Variants in DPP10 observed in about 807,000 individuals in gnomAD.
DPP10 encodes inactive dipeptidyl peptidase 10.
A neutral mutation model predicts 120.9 loss-of-function variants in DPP10; 33 were observed. The ratio of observed to expected loss-of-function variants is 0.27; its 90% confidence interval spans 0.21 to 0.37. The LOEUF (loss-of-function observed/expected upper bound fraction) is 0.37, where lower values mean the gene tolerates loss of function less well. Among genes scored for constraint, DPP10 ranks in the 10% least tolerant of loss-of-function variants. DPP10 has a pLI of 1.00. For missense variants in DPP10, 816 were observed against 942.8 expected (o/e 0.87, Z 1.76); for synonymous variants, 337 against 326.1 (o/e 1.03, Z -0.36).
intron 5 of DPP10, among the ~76,000 whole-genome samples, chr2:115,618,526 G>C (rs1364596525): frequency 1.3e-5 from 2 of 152,286 alleles, no homozygotes; most frequent in South Asian, 2.1e-4. Flanking sequence ...TTAACTGTAA[G>C]ATTTGCTTCC....
chr2:114,786,430 G>A (rs1258711070), intron 1 of DPP10, among the ~76,000 whole-genome samples: 8 of 152,190 alleles, frequency 5.3e-5, no homozygotes, highest in Non-Finnish European at 1.2e-4. Context: ...GCGAGAGAAA[G>A]GTGTCTGCCC....
rs1291299543 is a variant in DPP10 at position 114,720,297 on chromosome 2, T to C, written c.60+277459T>C. Reference sequence around the variant, plus strand: ...GCATGAGCACTAGGTCTCTTTAATATATTTTTGTCTTTTTAGTTAAATAAC... The same window carrying C: ...GCATGAGCACTAGGTCTCTTTAATACATTTTTGTCTTTTTAGTTAAATAAC... On this transcript the variant is annotated intron_variant, in intron 1 of 25. Transcript: ENST00000410059. Among the ~76,000 whole-genome samples, 3 of 152,306 alleles carry C rather than the reference T, an allele frequency of 2.0e-5. No individual in the cohort carries two copies. The East Asian group carries it at 5.8e-4, about 29-fold the overall frequency.
intron 1 of DPP10, among the ~76,000 whole-genome samples, chr2:115,146,854 A>G (rs1295724777): frequency 2.6e-5 from 4 of 152,172 alleles, no homozygotes; most frequent in African/African-American, 9.6e-5. Flanking sequence ...GGTGCCACCT[A>G]TAAACTAGAA....
intron 1 of DPP10, among the ~76,000 whole-genome samples, chr2:114,794,915 C>T (rs1404249216): frequency 1.3e-5 from 2 of 152,196 alleles, no homozygotes; most frequent in Non-Finnish European, 2.9e-5. Flanking sequence ...ATAGTGTAAG[C>T]TCTCAGTACA....
intron 1 of DPP10, among the ~76,000 whole-genome samples, chr2:114,946,301 A>G (rs77855570): frequency 0.015 from 2,341 of 152,308 alleles, 64 homozygotes; most frequent in African/African-American, 0.053. Context: ...TAGTATCTTC[A>G]CAATTTTTCT....
Position 115,377,834 on chromosome 2 carries a change from G to C in DPP10, c.271+33922G>C, listed in dbSNP as rs1295804639. On this transcript the variant is annotated intron_variant, in intron 3 of 25. Coordinates refer to ENST00000410059, the MANE Select transcript of DPP10 (RefSeq NM_020868.6). The stretch of plus-strand genomic sequence containing the variant: ...AATCCTTTCCCCATTGCTTGTTTTT[G>C]TCAGGTTTGTCAAAGATCAGATAGT... Among the ~76,000 whole-genome samples, 299 of 152,150 alleles carry C rather than the reference G, an allele frequency of 2.0e-3. 1 individual carries two copies. Among genetic ancestry groups the C allele is most frequent in the African/African-American group, 6.2e-3 (256 of 41,522 alleles).
intron 1 of DPP10, among the ~76,000 whole-genome samples, chr2:114,499,642 A>G (rs558121287): frequency 6.6e-6 from 1 of 151,858 alleles, no homozygotes; most frequent in Non-Finnish European, 1.5e-5. Flanking sequence ...AGATGATAGG[A>G]CCCACAATTT....
intron 1 of DPP10, among the ~76,000 whole-genome samples, chr2:114,857,120 G>C (rs562171149): frequency 1.3e-5 from 2 of 152,278 alleles, no homozygotes; most frequent in East Asian, 3.9e-4. Context: ...GTTTACCTGA[G>C]TCCAAATCCT....
intron 1 of DPP10, among the ~76,000 whole-genome samples, chr2:115,253,616 G>A (rs1302595163): frequency 1.3e-5 from 2 of 152,202 alleles, no homozygotes; most frequent in Non-Finnish European, 2.9e-5. Flanking sequence ...TAGGTCCCAT[G>A]CGAGTTTGAA....
At chr2:114,550,235 T>C (rs564865671) in intron 1 of DPP10, among the ~76,000 whole-genome samples, 1 of 152,282 alleles carries the variant, frequency 6.6e-6, no homozygotes, top group African/African-American at 2.4e-5. Context: ...TCAAGACAAA[T>C]CCCAAGGGTG....
At chr2:115,042,725 G>A (rs1396924) in intron 1 of DPP10, among the ~76,000 whole-genome samples, 52,297 of 152,024 alleles carry the variant, frequency 0.34, 9,420 homozygotes, top group South Asian at 0.52. Flanking sequence ...TAGAACTAGC[G>A]TTCTCCTCAA....
At chr2:115,395,890 C>T (rs980120574) in intron 3 of DPP10, among the ~76,000 whole-genome samples, 1 of 151,982 alleles carries the variant, frequency 6.6e-6, no homozygotes, top group African/African-American at 2.4e-5. Flanking sequence ...ATACTATATA[C>T]AATGATAGAG....
chr2:114,571,985 T>C (rs1349314739), intron 1 of DPP10, among the ~76,000 whole-genome samples: 1 of 149,240 alleles, frequency 6.7e-6, no homozygotes, highest in African/African-American at 2.4e-5. Flanking sequence ...GTATATGTAG[T>C]ATATAATACA....
intron 1 of DPP10, among the ~76,000 whole-genome samples, chr2:114,849,331 C>CTA (rs1688773054): frequency 6.6e-6 from 1 of 151,926 alleles, no homozygotes; most frequent in South Asian, 2.1e-4. Flanking sequence ...AGATAGGAGG[C>CTA]TATATATATA....
At chr2:115,055,028 A>G (rs1031557547) in intron 1 of DPP10, among the ~76,000 whole-genome samples, 1 of 152,168 alleles carries the variant, frequency 6.6e-6, no homozygotes, top group Non-Finnish European at 1.5e-5. Flanking sequence ...ATTTTATTTC[A>G]GCACTCCTTT....
chr2:115,418,314 A>G (rs1430077049), intron 3 of DPP10, among the ~76,000 whole-genome samples: 2 of 152,186 alleles, frequency 1.3e-5, no homozygotes, highest in Non-Finnish European at 1.5e-5. Flanking sequence ...TTATTGCTGT[A>G]TGTATTAATC....
At chr2:115,479,104 C>T (rs1487897919) in intron 3 of DPP10, among the ~76,000 whole-genome samples, 1 of 151,970 alleles carries the variant, frequency 6.6e-6, no homozygotes, top group Non-Finnish European at 1.5e-5. Context: ...TTTTATGTAC[C>T]CCTATTCATA....
chr2:114,796,142 C>A (rs1436611890), intron 1 of DPP10, among the ~76,000 whole-genome samples: 3 of 152,154 alleles, frequency 2.0e-5, no homozygotes, highest in Admixed American at 2.0e-4. Context: ...TCACGATTCT[C>A]ACTTAATTTT....
chr2:114,691,670 T>C (rs1699756670), intron 1 of DPP10, among the ~76,000 whole-genome samples: 1 of 152,124 alleles, frequency 6.6e-6, no homozygotes, highest in East Asian at 1.9e-4. Flanking sequence ...AGCTCTTCTT[T>C]GTACCTCTGG....
Sources: allele counts gnomAD v4.1 joint callset (sites outside exome capture counted in the v4.1 genomes callset), GRCh38; gene constraint gnomAD v4.1.1; transcripts MANE v1.5; gene names NCBI Gene and HGNC (gene_info 2026-07-23, HGNC 2026-07-21).